PRKCZ: variants seen among roughly 807,000 people sequenced by gnomAD.
The protein encoded by PRKCZ is protein kinase C zeta type.
Under a neutral mutation model 79.5 loss-of-function variants are expected in PRKCZ, and 33 were observed. That is an observed-to-expected ratio of 0.41 (90% CI 0.31 to 0.55). PRKCZ has a LOEUF of 0.55. Among genes scored for constraint, PRKCZ ranks in the 20% least tolerant of loss-of-function variants. The pLI is 0.19. For synonymous variants in PRKCZ, 342 were observed against 320.9 expected, an observed-to-expected ratio of 1.07 and a Z score of -0.70; for missense variants, 578 against 813.5, an observed-to-expected ratio of 0.71 and a Z score of 3.52.
At position 2,139,369 on chromosome 1, in the gene PRKCZ, C is replaced by G. The variant is rs910349086; in HGVS notation, c.420+4022C>G. On this transcript the variant is annotated intron_variant, in intron 5 of 17. Coordinates refer to ENST00000378567, the MANE Select transcript of PRKCZ (RefSeq NM_002744.6). ...CTTTGGGAGGCCGAGGTGGGTGGAT[C>G]ACGAGGTCAGCAGTTCAAGACCAGC... 2.0e-5 allele frequency among the ~76,000 whole-genome samples: 3 copies of G among 152,078 alleles called. No individual in the cohort carries two copies. In the South Asian group the frequency reaches 6.2e-4, roughly 32 times the overall value.
chr1:2,097,353 C>T (rs937300715), intron 4 of PRKCZ, among the ~76,000 whole-genome samples: 3 of 152,158 alleles, frequency 2.0e-5, no homozygotes, highest in African/African-American at 7.2e-5. Flanking sequence ...CTCTCAGGGT[C>T]TTTGGAAAAG....
chr1:2,095,259 G>C (rs1402948189), intron 4 of PRKCZ, among the ~76,000 whole-genome samples: 1 of 152,168 alleles, frequency 6.6e-6, no homozygotes, highest in Non-Finnish European at 1.5e-5. Flanking sequence ...CCCTCTGTAG[G>C]GGAGGGCCTG....
intron 4 of PRKCZ, among the ~76,000 whole-genome samples, chr1:2,107,410 AC>A (rs1458176368): frequency 6.6e-6 from 1 of 152,184 alleles, no homozygotes; most frequent in African/African-American, 2.4e-5. Flanking sequence ...ACGGCCGCAC[AC>A]ACTCCCGTGC....
intron 1 of PRKCZ, among the ~76,000 whole-genome samples, chr1:2,055,055 G>A (rs1330739443): frequency 6.6e-6 from 1 of 151,318 alleles, no homozygotes; most frequent in Non-Finnish European, 1.5e-5. Flanking sequence ...CCATTCTCTT[G>A]CCTCAGCCTC....
At chr1:2,085,156 G>C (rs536744776) in intron 4 of PRKCZ, among the ~76,000 whole-genome samples, 1 of 152,232 alleles carries the variant, frequency 6.6e-6, no homozygotes, top group Non-Finnish European at 1.5e-5. Context: ...GTGAGGAGTA[G>C]AGAGGCAGCT....
intron 9 of PRKCZ, among the ~76,000 whole-genome samples, chr1:2,155,596 GTGA>G (rs145625268): frequency 0.23 from 35,374 of 151,030 alleles, 4,752 homozygotes; most frequent in Admixed American, 0.33. Context: ...GACGGTGGTG[GTGA>G]TGATGACAGT....
Position 2,115,495 on chromosome 1 carries a change from C to T in PRKCZ, c.335-19767C>T, listed in dbSNP as rs185108098. 2.0e-5 allele frequency among the ~76,000 whole-genome samples: 3 copies of T among 152,348 alleles called. No individual in the cohort carries two copies. The East Asian group carries it at 5.8e-4, about 29-fold the overall frequency. On this transcript the variant is annotated intron_variant, in intron 4 of 17. Coordinates refer to ENST00000378567, the MANE Select transcript of PRKCZ (RefSeq NM_002744.6). ...GCACCCACAGCCACTCTGGCGCCAGCTGGGTGTCCTGTGTTTCCATTCAGC... is the reference window on the plus strand; with the variant it reads ...GCACCCACAGCCACTCTGGCGCCAGTTGGGTGTCCTGTGTTTCCATTCAGC...
chr1:2,116,573 A>G (rs1005497599), intron 4 of PRKCZ, among the ~76,000 whole-genome samples: 1 of 152,140 alleles, frequency 6.6e-6, no homozygotes, highest in Admixed American at 6.5e-5. Flanking sequence ...GTAAAAGCTT[A>G]CTTTATAATT....
intron 1 of PRKCZ, among the ~76,000 whole-genome samples, chr1:2,054,960 T>TA (rs1288821758): frequency 1.1e-4 from 17 of 149,862 alleles, no homozygotes; most frequent in African/African-American, 3.7e-4. Flanking sequence ...TTTTTTTTTT[T>TA]AATACGGAGT....
chr1:2,086,212 C>A (rs1439787471), intron 4 of PRKCZ, among the ~76,000 whole-genome samples: 1 of 152,090 alleles, frequency 6.6e-6, no homozygotes, highest in Non-Finnish European at 1.5e-5. Flanking sequence ...CAGGCTCCTG[C>A]CACCACGCCC....
At chr1:2,061,779 G>A (rs1660700049) in intron 4 of PRKCZ, among the ~76,000 whole-genome samples, 1 of 152,210 alleles carries the variant, frequency 6.6e-6, no homozygotes. Context: ...GGGGTCCCAG[G>A]CCACCAGGGC....
In PRKCZ at chr1:2,099,379, G is replaced by A. The variant is rs577459104; in HGVS notation, c.335-35883G>A. On this transcript the variant is annotated intron_variant, in intron 4 of 17. Transcript: ENST00000378567. ...TGGGCGGCTGCCAGAGGCACAATCC[G>A]GAACCGCCCCTTGCTAATGGGCGGA... Among the ~76,000 whole-genome samples, 7 of 152,286 alleles carry A rather than the reference G, an allele frequency of 4.6e-5. No individual in the cohort carries two copies. The South Asian group carries it at 1.2e-3, about 27-fold the overall frequency.
intron 1 of PRKCZ, among the ~76,000 whole-genome samples, chr1:2,051,860 A>C (rs761079980): frequency 5.9e-5 from 9 of 152,144 alleles, no homozygotes; most frequent in Non-Finnish European, 1.3e-4. Context: ...TTCTTTGGGA[A>C]GGTTGGGGCC....
At chr1:2,107,406 G>GCA (rs1251462244) in intron 4 of PRKCZ, among the ~76,000 whole-genome samples, 1 of 152,218 alleles carries the variant, frequency 6.6e-6, no homozygotes, top group Non-Finnish European at 1.5e-5. Flanking sequence ...TTCCACGGCC[G>GCA]CACACACTCC....
In PRKCZ at chr1:2,135,897, G is replaced by C. The variant is rs1485971439; in HGVS notation, c.420+550G>C. 2.0e-5 allele frequency among the ~76,000 whole-genome samples: 3 copies of C among 152,198 alleles called. No individual in the cohort carries two copies. The South Asian group carries it at 6.2e-4, about 31-fold the overall frequency. ...TAGTTCCTATGAAATGGGTGATTCA[G>C]ATGCTTTTGTAATTGTTCTGTTTCA... On this transcript the variant is annotated intron_variant, in intron 5 of 17. Coordinates refer to ENST00000378567, the MANE Select transcript of PRKCZ (RefSeq NM_002744.6).
intron 9 of PRKCZ, among the ~76,000 whole-genome samples, chr1:2,155,233 CTG>C (rs373383442): frequency 2.8e-4 from 42 of 150,478 alleles, no homozygotes; most frequent in African/African-American, 8.3e-4. Context: ...ATGGCGATGA[CTG>C]TGATGGTGGT....
At chr1:2,073,454 C>T (rs1457597967) in intron 4 of PRKCZ, 1 of 207,756 alleles carries the variant, frequency 4.8e-6, no homozygotes, top group East Asian at 1.8e-4. Context: ...CTGTCCCCCA[C>T]TCCCAGCCTG....
At chr1:2,098,427 C>CCCGGCCCCAGCTTCAGCT (rs1666904642) in intron 4 of PRKCZ, 1 of 152,208 alleles carries the variant, frequency 6.6e-6, no homozygotes, top group Non-Finnish European at 1.5e-5. Flanking sequence ...GTGCTTCAGC[C>CCCGGCCCCAGCTTCAGCT]CCGGCCCCAG....
rs189656731 is a variant in PRKCZ, at chr1:2,152,795, C to T, written c.876+1817C>T. 1.8e-4 allele frequency among the ~76,000 whole-genome samples: 28 copies of T among 152,334 alleles called. 1 individual carries two copies. Among genetic ancestry groups the T allele is most frequent in the Non-Finnish European group, 3.5e-4 (24 of 68,030 alleles). ...TTTGGTGTCTGGCTTCTCCAGTGTC[C>T]GTCCATGTGGCCGCTCGCTCAGGCC... is the stretch of plus-strand genomic sequence containing the variant. On this transcript the variant is annotated intron_variant, in intron 9 of 17. Coordinates refer to ENST00000378567, the MANE Select transcript of PRKCZ (RefSeq NM_002744.6).
Sources: allele counts gnomAD v4.1 joint callset (sites outside exome capture counted in the v4.1 genomes callset), GRCh38; gene constraint gnomAD v4.1.1; transcripts MANE v1.5; gene names NCBI Gene and HGNC (gene_info 2026-07-23, HGNC 2026-07-21).